Variants in ARHGAP25 observed in about 807,000 individuals in gnomAD.
The protein encoded by ARHGAP25 is rho GTPase-activating protein 25.
Under a neutral mutation model 71.0 loss-of-function variants are expected in ARHGAP25, and 34 were observed. The ratio of observed to expected loss-of-function variants is 0.48; its 90% CI spans 0.36 to 0.64. The LOEUF (loss-of-function observed/expected upper bound fraction) is 0.64, where lower values mean the gene tolerates loss of function less well. Among genes scored for constraint, ARHGAP25 ranks in the 30% least tolerant of loss-of-function variants. The probability of loss-of-function intolerance (pLI) is 0.00; values close to 1 mark genes in which losing one functional copy is unlikely to be tolerated. For missense variants in ARHGAP25, 706 were observed against 805.1 expected (o/e 0.88, Z 1.49); for synonymous variants, 282 against 296.5 (o/e 0.95, Z 0.50).
intron 3 of ARHGAP25, 94 bp from the exon 4 acceptor site, chr2:68,787,746 C>T: frequency 1.0e-6 from 1 of 978,614 alleles, no homozygotes. Context: ...TTCATTGAAC[C>T]AAGACATCAA....
chr2:68,811,573 G>A (rs935112476), intron 5 of ARHGAP25, among the ~76,000 whole-genome samples: 1 of 152,206 alleles, frequency 6.6e-6, no homozygotes, highest in Non-Finnish European at 1.5e-5. Flanking sequence ...CCTGAGGGCA[G>A]CCATGGAGCA....
chr2:68,796,980 C>T (rs1184892793), intron 4 of ARHGAP25, among the ~76,000 whole-genome samples: 2 of 152,164 alleles, frequency 1.3e-5, no homozygotes, highest in Non-Finnish European at 2.9e-5. Flanking sequence ...AGCCTCCAGG[C>T]TAGTAGATGG....
intron 1 of ARHGAP25, among the ~76,000 whole-genome samples, chr2:68,768,621 C>T (rs1677278583): frequency 6.6e-6 from 1 of 152,194 alleles, no homozygotes; most frequent in South Asian, 2.1e-4. Flanking sequence ...TCTATGCCAT[C>T]TTTTCTTTGG....
intron 1 of ARHGAP25, among the ~76,000 whole-genome samples, chr2:68,739,157 T>C (rs145523778): frequency 8.3e-4 from 126 of 152,304 alleles, no homozygotes; most frequent in African/African-American, 2.9e-3. Flanking sequence ...CCTGGTTTTA[T>C]ATCCACTCAT....
At position 68,787,857 on chromosome 2, in the gene ARHGAP25, C is replaced by T. The variant is rs201820537; in HGVS notation, c.367C>T (p.Arg123Cys). 10 of 1,614,014 alleles carry T rather than the reference C, an allele frequency of 6.2e-6. No homozygotes were observed. The highest frequency in any genetic ancestry group is 8.5e-6 in the Non-Finnish European group (10 of 1,179,982). Residue 123 changes from arginine (R) to cysteine (C), a missense_variant, in exon 4 of 11, where the codon CGC (arginine) becomes TGC (cysteine). Physicochemically the swap from Arg to Cys is radical, Grantham distance 180. Coordinates refer to ENST00000409202, the MANE Select transcript of ARHGAP25 (RefSeq NM_001007231.3). ...EIIPASWDQN[R>C]MGQDSYVLMA... Reference sequence around the variant, plus strand: ...TCCTCCAGCCTCATGGGACCAGAATCGCATGGGACAGGACTCCTATGTCCT... The same window carrying T: ...TCCTCCAGCCTCATGGGACCAGAATTGCATGGGACAGGACTCCTATGTCCT...
chr2:68,819,205 G>A lies in ARHGAP25; in HGVS notation c.1086G>A (p.Leu362=), dbSNP rs1681454342. The A allele has an allele frequency of 6.2e-7, 1 of 1,614,112 alleles. No individual in the cohort carries two copies. The highest frequency in any genetic ancestry group is 1.3e-5 in the African/African-American group (1 of 75,036). ...VLFPKSKDIP[L]SPPAQKNDPK... ...TCCCCAAGTCCAAGGATATACCCCT[G>A]TCACCCCCTGCCCAGAAAAATGACC... Residue 362 remains leucine (L), a synonymous_variant, in exon 9 of 11, where the codon CTG becomes CTA. Coordinates refer to ENST00000409202, the MANE Select transcript of ARHGAP25 (RefSeq NM_001007231.3).
At chr2:68,723,688 G>C (rs1674818044) in intron 2 of ARHGAP25, among the ~76,000 whole-genome samples, 1 of 152,036 alleles carries the variant, frequency 6.6e-6, no homozygotes, top group African/African-American at 2.4e-5. Context: ...TGATGGCCCT[G>C]GTGTTTTCTC....
At chr2:68,734,439 T>C (rs1029428742), upstream of ARHGAP25, among the ~76,000 whole-genome samples, 24 of 152,178 alleles carry the variant, frequency 1.6e-4, no homozygotes, top group Non-Finnish European at 2.9e-5. Context: ...ACTTGCAAAC[T>C]TTATCCTGAG....
chr2:68,755,093 A>G (rs1676400532), intron 1 of ARHGAP25, among the ~76,000 whole-genome samples: 1 of 152,142 alleles, frequency 6.6e-6, no homozygotes, highest in Admixed American at 6.5e-5. Flanking sequence ...GTTGTTTTTG[A>G]TAACCTCAAT....
At chr2:68,804,858 C>A (rs1680250092) in intron 4 of ARHGAP25, among the ~76,000 whole-genome samples, 1 of 152,188 alleles carries the variant, frequency 6.6e-6, no homozygotes, top group South Asian at 2.1e-4. Flanking sequence ...GACTGTCTAC[C>A]TTTTGCCAGG....
At chr2:68,734,561 G>A (rs376099199), upstream of ARHGAP25, among the ~76,000 whole-genome samples, 2 of 152,190 alleles carry the variant, frequency 1.3e-5, no homozygotes, top group Non-Finnish European at 2.9e-5. Flanking sequence ...GATCCGTTAG[G>A]TGAGGAAGAG....
intron 5 of ARHGAP25, among the ~76,000 whole-genome samples, chr2:68,811,007 GC>G (rs1680771544): frequency 6.6e-6 from 1 of 152,146 alleles, no homozygotes; most frequent in South Asian, 2.1e-4. Context: ...CTCCCGAAGT[GC>G]TGGGACTACA....
intron 4 of ARHGAP25, among the ~76,000 whole-genome samples, chr2:68,798,889 C>G (rs1301656064): frequency 6.6e-6 from 1 of 152,098 alleles, no homozygotes; most frequent in African/African-American, 2.4e-5. Context: ...GGATGTTGGT[C>G]TTCATCCTAA....
intron 3 of ARHGAP25, 110 bp from the exon 4 acceptor site, chr2:68,787,730 T>TAGTG: frequency 1.2e-6 from 1 of 819,056 alleles, no homozygotes; most frequent in Non-Finnish European, 2.1e-6. Context: ...GTTTGGCTGG[T>TAGTG]AGTGCTTCAT....
At chr2:68,774,361 AC>A (rs1677684267) in intron 1 of ARHGAP25, among the ~76,000 whole-genome samples, 1 of 152,198 alleles carries the variant, frequency 6.6e-6, no homozygotes, top group Non-Finnish European at 1.5e-5. Context: ...ATGTGGAGGT[AC>A]AGGCTGGACT....
At chr2:68,766,251 G>A (rs1164456182) in intron 1 of ARHGAP25, among the ~76,000 whole-genome samples, 1 of 152,202 alleles carries the variant, frequency 6.6e-6, no homozygotes, top group East Asian at 1.9e-4. Flanking sequence ...GATGAGAATT[G>A]TTCTTCCTTA....
At chr2:68,745,595 C>T (rs1207914570) in intron 1 of ARHGAP25, among the ~76,000 whole-genome samples, 1 of 152,158 alleles carries the variant, frequency 6.6e-6, no homozygotes, top group Admixed American at 6.5e-5. Context: ...CTGAACATCG[C>T]TGGAGAAGAT....
intron 2 of ARHGAP25, among the ~76,000 whole-genome samples, chr2:68,722,612 C>T (rs2104258399): frequency 6.6e-6 from 1 of 150,740 alleles, no homozygotes; most frequent in East Asian, 1.9e-4. Context: ...ACATTCCAGA[C>T]ACTATATTGA....
At chr2:68,774,262 G>A (rs1677676484) in intron 1 of ARHGAP25, among the ~76,000 whole-genome samples, 1 of 152,162 alleles carries the variant, frequency 6.6e-6, no homozygotes, top group African/African-American at 2.4e-5. Context: ...AGAAGGAAGT[G>A]TTGAATGGGG....
Sources: gnomAD v4.1 joint callset for allele counts (sites outside exome capture counted in the v4.1 genomes callset) on GRCh38, gnomAD v4.1.1 for gene constraint, MANE v1.5 for transcripts, NCBI Gene and HGNC (gene_info 2026-07-23, HGNC 2026-07-21) for gene names.